The following AGBL4 variants were observed in gnomAD, a reference collection of about 807,000 sequenced individuals.
AGBL4 encodes the protein AGBL carboxypeptidase 4, also known as cytosolic carboxypeptidase 6.
Under a neutral mutation model 66.4 loss-of-function variants are expected in AGBL4, and 58 were observed. The ratio of observed to expected loss-of-function variants is 0.87; its 90% CI spans 0.71 to 1.09. The LOEUF (loss-of-function observed/expected upper bound fraction) is 1.09. AGBL4 is among the 50% of genes least tolerant of loss of function. AGBL4 has a pLI of 0.00. For missense variants in AGBL4, 579 were observed against 631.0 expected (o/e 0.92, Z 0.88); for synonymous variants, 234 against 222.9 (o/e 1.05, Z -0.44).
chr1:48,540,057 C>T (rs1011629456), intron 11 of AGBL4, among the ~76,000 whole-genome samples: 2 of 152,150 alleles, frequency 1.3e-5, no homozygotes, highest in African/African-American at 4.8e-5. Flanking sequence ...TTTCAGGGTA[C>T]AGCCCTTTGG....
At chr1:48,691,600 T>A (rs1011244342) in intron 6 of AGBL4, among the ~76,000 whole-genome samples, 9 of 152,030 alleles carry the variant, frequency 5.9e-5, no homozygotes, top group Admixed American at 2.0e-4. Flanking sequence ...GTTGGAGACC[T>A]CTGAGTATCT....
intron 4 of AGBL4, among the ~76,000 whole-genome samples, chr1:49,181,583 G>A (rs1646931685): frequency 6.6e-6 from 1 of 152,086 alleles, no homozygotes; most frequent in Non-Finnish European, 1.5e-5. Context: ...TATTGCCTAG[G>A]TTAAATGAGA....
At chr1:49,612,423 T>C (rs1032050186) in intron 3 of AGBL4, among the ~76,000 whole-genome samples, 1 of 152,200 alleles carries the variant, frequency 6.6e-6, no homozygotes, top group Non-Finnish European at 1.5e-5. Context: ...CGTCAACTTT[T>C]GTTATGAATG....
intron 4 of AGBL4, among the ~76,000 whole-genome samples, chr1:49,121,041 G>C: frequency 6.6e-6 from 1 of 152,124 alleles, no homozygotes; most frequent in Non-Finnish European, 1.5e-5. Flanking sequence ...CTCATGCCAT[G>C]GTTTTCAGCT....
At chr1:49,715,616 C>G (rs1648053873) in intron 2 of AGBL4, among the ~76,000 whole-genome samples, 1 of 152,140 alleles carries the variant, frequency 6.6e-6, no homozygotes, top group African/African-American at 2.4e-5. Flanking sequence ...CACATCCTCT[C>G]CAGCGTCTGT....
intron 3 of AGBL4, among the ~76,000 whole-genome samples, chr1:49,481,433 T>G (rs557677054): frequency 6.6e-6 from 1 of 152,172 alleles, no homozygotes; most frequent in Admixed American, 6.5e-5. Context: ...GGCTTGACTG[T>G]TTTTAGCATA....
chr1:48,908,289 CT>C (rs1251675071), intron 5 of AGBL4, among the ~76,000 whole-genome samples: 1 of 152,090 alleles, frequency 6.6e-6, no homozygotes, highest in Non-Finnish European at 1.5e-5. Context: ...ATGGCAAACT[CT>C]TTAAAGTAGT....
At chr1:49,702,262 G>A (rs1484407303) in intron 2 of AGBL4, among the ~76,000 whole-genome samples, 1 of 152,126 alleles carries the variant, frequency 6.6e-6, no homozygotes, top group African/African-American at 2.4e-5. Context: ...GGAGGCCAAG[G>A]CAGGCAGATT....
intron 3 of AGBL4, among the ~76,000 whole-genome samples, chr1:49,313,190 C>T (rs1570410503): frequency 6.6e-6 from 1 of 152,098 alleles, no homozygotes; most frequent in Admixed American, 6.6e-5. Flanking sequence ...CATGTCCCTG[C>T]AAAGGACAAA....
chr1:49,653,399 A>C (rs1013780826), intron 3 of AGBL4, among the ~76,000 whole-genome samples: 2 of 152,106 alleles, frequency 1.3e-5, no homozygotes, highest in African/African-American at 4.8e-5. Flanking sequence ...TCAAAAAGCC[A>C]GAGTGCCTCT....
chr1:49,249,483 TA>T (rs1323741286), intron 3 of AGBL4, among the ~76,000 whole-genome samples: 1 of 152,130 alleles, frequency 6.6e-6, no homozygotes, highest in Non-Finnish European at 1.5e-5. Context: ...TCAACATCAT[TA>T]ATCATCAAAA....
intron 6 of AGBL4, among the ~76,000 whole-genome samples, chr1:48,696,900 G>T (rs1646721486): frequency 6.6e-6 from 1 of 152,028 alleles, no homozygotes; most frequent in Non-Finnish European, 1.5e-5. Context: ...CTTCTCCGTG[G>T]CCCCTCCTCC....
intron 3 of AGBL4, among the ~76,000 whole-genome samples, chr1:49,449,197 T>C (rs1355773462): frequency 6.6e-6 from 1 of 152,042 alleles, no homozygotes; most frequent in African/African-American, 2.4e-5. Flanking sequence ...AATTTATACA[T>C]GCAGTAAGTA....
chr1:49,420,628 G>A (rs1213059595), intron 3 of AGBL4, among the ~76,000 whole-genome samples: 1 of 151,362 alleles, frequency 6.6e-6, no homozygotes, highest in African/African-American at 2.4e-5. Context: ...ATGAACCCAG[G>A]AAGTAGAGCT....
chr1:49,474,816 G>A (rs1280502836), intron 3 of AGBL4, among the ~76,000 whole-genome samples: 1 of 151,992 alleles, frequency 6.6e-6, no homozygotes, highest in Admixed American at 6.6e-5. Context: ...CCAGGTATTT[G>A]AAATAACTGG....
chr1:50,021,206 T>C (rs1265788760), intron 1 of AGBL4, among the ~76,000 whole-genome samples: 1 of 152,190 alleles, frequency 6.6e-6, no homozygotes, highest in African/African-American at 2.4e-5. Context: ...TTAGCTGTGC[T>C]CTAATCTCTC....
At chr1:49,595,765 CA>C (rs1409986346) in intron 3 of AGBL4, among the ~76,000 whole-genome samples, 1 of 151,926 alleles carries the variant, frequency 6.6e-6, no homozygotes, top group Non-Finnish European at 1.5e-5. Flanking sequence ...GAATAAAACC[CA>C]AAACACAAAT....
intron 4 of AGBL4, among the ~76,000 whole-genome samples, chr1:49,202,421 A>G (rs985600688): frequency 1.3e-5 from 2 of 152,152 alleles, no homozygotes; most frequent in Non-Finnish European, 2.9e-5. Flanking sequence ...ACTGGCATCA[A>G]GACAGACATG....
intron 3 of AGBL4, among the ~76,000 whole-genome samples, chr1:49,651,309 A>C (rs1646000195): frequency 6.6e-6 from 1 of 152,026 alleles, no homozygotes; most frequent in Non-Finnish European, 1.5e-5. Flanking sequence ...ATCCCAACAC[A>C]AATTTCCCCT....
Sources: gnomAD v4.1 joint callset for allele counts (sites outside exome capture counted in the v4.1 genomes callset) on GRCh38, gnomAD v4.1.1 for gene constraint, MANE v1.5 for transcripts, NCBI Gene and HGNC (gene_info 2026-07-23, HGNC 2026-07-21) for gene names.